Variants in PCDH15 observed in about 807,000 individuals in gnomAD.
PCDH15 encodes protocadherin-15.
PCDH15 carries 129 observed loss-of-function variants against 178.5 expected under a neutral mutation model. The ratio of observed to expected loss-of-function variants is 0.72; its 90% CI spans 0.63 to 0.84. PCDH15 has a LOEUF of 0.84. PCDH15 is among the 40% of genes least tolerant of loss of function. PCDH15 has a pLI of 0.00. For synonymous variants in PCDH15, 800 were observed against 732.0 expected, an observed-to-expected ratio of 1.09 and a Z score of -1.50; for missense variants, 2,230 against 2,099.9, an observed-to-expected ratio of 1.06 and a Z score of -1.21.
At chr10:55,142,154 C>T (rs1346907274) in intron 2 of PCDH15, among the ~76,000 whole-genome samples, 3 of 152,062 alleles carry the variant, frequency 2.0e-5, no homozygotes, top group Non-Finnish European at 4.4e-5. Flanking sequence ...TGATCTGTGT[C>T]TCTATATCTT....
At position 55,084,462 on chromosome 10, in the gene PCDH15, T is replaced by TAAAAAAAAAAAAAAAAAAAA. The variant is rs71461276; in HGVS notation, c.-80+82113_-80+82114insTTTTTTTTTTTTTTTTTTTT. On this transcript the variant is annotated intron_variant, in intron 2 of 5. Transcript: ENST00000458638. ...GACTTAAATCTAAGACCTCAAGCTG[T>TAAAAAAAAAAAAAAAAAAAA]AAAAAAAAAACTAAAAGAAAACTTT... 1.4e-3 allele frequency among the ~76,000 whole-genome samples: 209 copies of TAAAAAAAAAAAAAAAAAAAA among 145,300 alleles called. 1 individual carries two copies. Among genetic ancestry groups the TAAAAAAAAAAAAAAAAAAAA allele is most frequent in the East Asian group, 4.3e-3 (20 of 4,684 alleles).
chr10:55,469,560 T>G (rs1331367909), intron 2 of PCDH15, among the ~76,000 whole-genome samples: 1 of 152,090 alleles, frequency 6.6e-6, no homozygotes, highest in Non-Finnish European at 1.5e-5. Flanking sequence ...TTATTGAATA[T>G]TGCTCAGTTT....
At chr10:54,042,755 T>C (rs1181188520) in intron 18 of PCDH15, among the ~76,000 whole-genome samples, 1 of 152,100 alleles carries the variant, frequency 6.6e-6, no homozygotes, top group African/African-American at 2.4e-5. Context: ...AATGTCTGAG[T>C]GGCAAAATGG....
At chr10:53,827,013 G>A (rs1301350351) in intron 32 of PCDH15, among the ~76,000 whole-genome samples, 2 of 151,412 alleles carry the variant, frequency 1.3e-5, no homozygotes, top group African/African-American at 4.9e-5. Flanking sequence ...TATTTCTCTC[G>A]TCTCCTATGC....
At chr10:55,558,739 A>G (rs1366129254) in intron 2 of PCDH15, among the ~76,000 whole-genome samples, 1 of 152,098 alleles carries the variant, frequency 6.6e-6, no homozygotes, top group Non-Finnish European at 1.5e-5. Context: ...TGACCTAGTA[A>G]TATCATATGT....
At chr10:54,198,017 G>T (rs1337357779) in intron 10 of PCDH15, among the ~76,000 whole-genome samples, 1 of 152,092 alleles carries the variant, frequency 6.6e-6, no homozygotes, top group East Asian at 1.9e-4. Flanking sequence ...TCATTTGGCA[G>T]CAGAATGTCA....
At chr10:54,191,284 C>T (rs968240156) in intron 11 of PCDH15, among the ~76,000 whole-genome samples, 1 of 152,098 alleles carries the variant, frequency 6.6e-6, no homozygotes, top group African/African-American at 2.4e-5. Flanking sequence ...TAGAGAAATG[C>T]ACTGAGGGAG....
chr10:53,865,869 T>C (rs142751435), intron 27 of PCDH15, among the ~76,000 whole-genome samples: 16 of 152,340 alleles, frequency 1.1e-4, no homozygotes, highest in Non-Finnish European at 2.2e-4. Flanking sequence ...TCTTGATCTG[T>C]TTTTATGTGA....
chr10:54,763,577 A>G (rs574215081), intron 1 of PCDH15, among the ~76,000 whole-genome samples: 65 of 152,112 alleles, frequency 4.3e-4, no homozygotes, highest in African/African-American at 1.5e-3. Flanking sequence ...TTACTAATTC[A>G]TTGTATATGT....
chr10:55,177,814 A>G (rs954698241), intron 1 of PCDH15, among the ~76,000 whole-genome samples: 2 of 152,168 alleles, frequency 1.3e-5, no homozygotes, highest in African/African-American at 2.4e-5. Context: ...GCAGCCAGAG[A>G]GAACCTCAAA....
Position 54,896,513 on chromosome 10 carries a change from G to GAA in PCDH15, c.-29+935_-29+936dup, listed in dbSNP as rs58802302. On this transcript the variant is annotated intron_variant, in intron 3 of 5. Transcript: ENST00000458638. ...TAAGGTGCAACTGAATTTCCCAGCG[G>GAA]AAAAAAAAAAAATAGCTTAGCTCCA... 1.2e-3 allele frequency among the ~76,000 whole-genome samples: 173 copies of GAA among 149,460 alleles called. 2 individuals are homozygous for GAA. The highest frequency in any genetic ancestry group is 4.6e-3 in the South Asian group (22 of 4,744).
At chr10:54,094,509 G>A (rs771649199) in intron 15 of PCDH15, among the ~76,000 whole-genome samples, 3 of 152,128 alleles carry the variant, frequency 2.0e-5, no homozygotes, top group East Asian at 3.9e-4. Context: ...GATAAAGGCC[G>A]TGAGGTGAAA....
chr10:54,666,023 T>C (rs141774780), intron 1 of PCDH15, among the ~76,000 whole-genome samples: 1 of 152,200 alleles, frequency 6.6e-6, no homozygotes, highest in African/African-American at 2.4e-5. Context: ...AGCATCTTTG[T>C]CTCACATTTC....
At chr10:54,953,176 G>A (rs925549350) in intron 2 of PCDH15, among the ~76,000 whole-genome samples, 1 of 151,196 alleles carries the variant, frequency 6.6e-6, no homozygotes, top group African/African-American at 2.4e-5. Context: ...TTTTTAAGTT[G>A]AAGAATTCCT....
chr10:55,066,271 T>C (rs1383305693), intron 2 of PCDH15, among the ~76,000 whole-genome samples: 1 of 151,446 alleles, frequency 6.6e-6, no homozygotes, highest in Non-Finnish European at 1.5e-5. Flanking sequence ...GAATCAATTC[T>C]CTGGTTAATC....
At chr10:54,429,647 C>A (rs760748502) in intron 3 of PCDH15, among the ~76,000 whole-genome samples, 30 of 152,194 alleles carry the variant, frequency 2.0e-4, no homozygotes, top group South Asian at 4.1e-4. Flanking sequence ...AAAATATATT[C>A]TATGCCAATA....
Position 54,157,351 on chromosome 10 carries a change from A to C in PCDH15, c.1591-4058T>G, listed in dbSNP as rs186688626. ...AAACCTCAATTCTTGACTTCTGTGC[A>C]CCTGCAGGCTCAACACCATGTGGAA... is the stretch of plus-strand genomic sequence containing the variant. On this transcript the variant is annotated intron_variant, in intron 13 of 37. Transcript: ENST00000644397. Among the ~76,000 whole-genome samples the C allele has an allele frequency of 5.7e-3, 861 of 152,288 alleles. 10 individuals carry two copies. Among genetic ancestry groups the C allele is most frequent in the Non-Finnish European group, 9.4e-3 (637 of 68,022 alleles).
chr10:55,057,291 T>A (rs192599567), intron 2 of PCDH15, among the ~76,000 whole-genome samples: 3 of 152,160 alleles, frequency 2.0e-5, no homozygotes, highest in African/African-American at 7.2e-5. Flanking sequence ...TATTTTGGTA[T>A]TCCATGCAAT....
intron 3 of PCDH15, among the ~76,000 whole-genome samples, chr10:54,441,727 T>A (rs951936931): frequency 2.0e-5 from 3 of 151,884 alleles, no homozygotes; most frequent in Non-Finnish European, 2.9e-5. Flanking sequence ...CTTCTTAACG[T>A]GTATTTATTG....
Sources: allele counts gnomAD v4.1 joint callset (sites outside exome capture counted in the v4.1 genomes callset), GRCh38; gene constraint gnomAD v4.1.1; transcripts MANE v1.5; gene names NCBI Gene and HGNC (gene_info 2026-07-23, HGNC 2026-07-21).